Variants in PTPRD observed in about 807,000 individuals in gnomAD.
PTPRD encodes protein tyrosine phosphatase receptor type D, also known as receptor-type tyrosine-protein phosphatase delta.
In PTPRD, 34 loss-of-function variants were observed where a neutral mutation model predicts 214.5. The observed-to-expected ratio is 0.16, with a 90% CI of 0.12 to 0.21. The LOEUF (loss-of-function observed/expected upper bound fraction) is 0.21. Among genes scored for constraint, PTPRD ranks in the 10% least tolerant of loss-of-function variants. PTPRD has a pLI of 1.00. For missense variants in PTPRD, 2,545 were observed against 2,398.7 expected (o/e 1.06, Z -1.27); for synonymous variants, 1,128 against 845.7 (o/e 1.33, Z -5.79).
intron 3 of PTPRD, among the ~76,000 whole-genome samples, chr9:10,228,711 ATAT>A (rs1453876389): frequency 6.7e-6 from 1 of 150,078 alleles, no homozygotes; most frequent in Non-Finnish European, 1.5e-5. Flanking sequence ...TTGATAGAAT[ATAT>A]TATATGTATA....
chr9:9,795,321 G>C (rs1349227916), intron 5 of PTPRD, among the ~76,000 whole-genome samples: 1 of 152,118 alleles, frequency 6.6e-6, no homozygotes, highest in African/African-American at 2.4e-5. Flanking sequence ...TGTAGGGAAA[G>C]TTTTTAGGAA....
intron 5 of PTPRD, among the ~76,000 whole-genome samples, chr9:9,857,222 C>T (rs1390278333): frequency 9.2e-5 from 14 of 152,140 alleles, no homozygotes; most frequent in Admixed American, 9.2e-4. Context: ...GGAATGAAGG[C>T]CATTTTCATG....
Position 8,496,966 on chromosome 9 carries a change from G to A in PTPRD, c.2349+276C>T, listed in dbSNP as rs576199851. Reference sequence around the variant, plus strand: ...ACAACACCCCTGTGTTTTAAAGCATGCCTCCTCTGACTGTCACAAGGCAGA... The same window carrying A: ...ACAACACCCCTGTGTTTTAAAGCATACCTCCTCTGACTGTCACAAGGCAGA... On this transcript the variant is annotated intron_variant, in intron 26 of 45. Transcript: ENST00000381196. Among the ~76,000 whole-genome samples the A allele has an allele frequency of 1.4e-4, 21 of 152,256 alleles. No individual in the cohort carries two copies. In the South Asian group the frequency reaches 4.3e-3, roughly 32 times the overall value.
chr9:9,771,603 A>G (rs145379261), intron 5 of PTPRD, among the ~76,000 whole-genome samples: 10 of 152,320 alleles, frequency 6.6e-5, no homozygotes, highest in African/African-American at 2.4e-4. Flanking sequence ...AGCCTTTAAA[A>G]TAACTTACTT....
chr9:8,824,015 C>T, intron 11 of PTPRD, among the ~76,000 whole-genome samples: 1 of 152,146 alleles, frequency 6.6e-6, no homozygotes, highest in Non-Finnish European at 1.5e-5. Context: ...CATTTGTAAA[C>T]TGTCATGGTG....
chr9:10,291,058 A>G (rs1293377177), intron 3 of PTPRD, among the ~76,000 whole-genome samples: 2 of 148,684 alleles, frequency 1.3e-5, no homozygotes, highest in Non-Finnish European at 3.0e-5. Context: ...CCTTACTGGT[A>G]ATTTCTTTAA....
intron 5 of PTPRD, among the ~76,000 whole-genome samples, chr9:9,783,461 C>T (rs754165043): frequency 6.6e-6 from 1 of 152,088 alleles, no homozygotes; most frequent in African/African-American, 2.4e-5. Context: ...ACTGTTCTTC[C>T]TGATGAACTT....
intron 9 of PTPRD, among the ~76,000 whole-genome samples, chr9:9,294,727 C>T (rs1952417742): frequency 1.3e-5 from 2 of 151,646 alleles, no homozygotes; most frequent in African/African-American, 2.4e-5. Flanking sequence ...GACTTCTCAG[C>T]CTTCAGAAAT....
intron 7 of PTPRD, among the ~76,000 whole-genome samples, chr9:9,654,483 T>C (rs566860369): frequency 3.6e-4 from 55 of 152,242 alleles, no homozygotes; most frequent in African/African-American, 1.3e-3. Flanking sequence ...CAACCATTCA[T>C]AATAATGCCA....
At chr9:8,863,361 C>T (rs1284155747) in intron 11 of PTPRD, among the ~76,000 whole-genome samples, 1 of 152,176 alleles carries the variant, frequency 6.6e-6, no homozygotes, top group Non-Finnish European at 1.5e-5. Context: ...CTATCCCAAC[C>T]CAAGTGAAAC....
chr9:8,691,182 G>A (rs1471104397), intron 12 of PTPRD, among the ~76,000 whole-genome samples: 1 of 152,026 alleles, frequency 6.6e-6, no homozygotes, highest in African/African-American at 2.4e-5. Flanking sequence ...TCTAAAATAT[G>A]TACTAACTCA....
rs190929566 is a variant in PTPRD, at chr9:9,192,578, C to G, written c.-202-9215G>C. On this transcript the variant is annotated intron_variant, in intron 9 of 45. Transcript: ENST00000381196. Reference sequence around the variant, plus strand: ...TTCTTGTTTGTTACTACAAAAGACTCTGTCTCAGAGGGCTTTGATTAAGAT... The same window carrying G: ...TTCTTGTTTGTTACTACAAAAGACTGTGTCTCAGAGGGCTTTGATTAAGAT... Among the ~76,000 whole-genome samples, 943 of 152,222 alleles carry G rather than the reference C, an allele frequency of 6.2e-3. 8 individuals are homozygous for G. The highest frequency in any genetic ancestry group is 0.01 in the Non-Finnish European group (690 of 67,998).
chr9:8,910,854 C>T (rs1023541798), intron 11 of PTPRD, among the ~76,000 whole-genome samples: 42 of 152,248 alleles, frequency 2.8e-4, no homozygotes, highest in African/African-American at 9.1e-4. Context: ...AAATTATGTT[C>T]ATAATAGGAT....
chr9:9,489,616 T>C (rs761920651), intron 8 of PTPRD, among the ~76,000 whole-genome samples: 4 of 151,990 alleles, frequency 2.6e-5, no homozygotes, highest in Middle Eastern at 3.4e-3. Flanking sequence ...ACTATAATAA[T>C]GAAAATTTTA....
chr9:8,335,297 A>G (rs1325685313), intron 43 of PTPRD, among the ~76,000 whole-genome samples: 3 of 151,802 alleles, frequency 2.0e-5, no homozygotes, highest in African/African-American at 7.3e-5. Context: ...ATCCACCACG[A>G]TCAAGTCGGC....
At chr9:10,213,696 G>T (rs928712718) in intron 3 of PTPRD, among the ~76,000 whole-genome samples, 1 of 151,966 alleles carries the variant, frequency 6.6e-6, no homozygotes, top group Non-Finnish European at 1.5e-5. Flanking sequence ...TATTTTAGAT[G>T]TTACATTATT....
intron 5 of PTPRD, among the ~76,000 whole-genome samples, chr9:9,897,129 C>T (rs942972907): frequency 2.3e-5 from 1 of 44,360 alleles, no homozygotes; most frequent in Non-Finnish European, 4.4e-5. Flanking sequence ...ATCTCTTACA[C>T]TTACACACAC....
chr9:10,373,612 T>C (rs568900385), intron 2 of PTPRD, among the ~76,000 whole-genome samples: 3 of 152,238 alleles, frequency 2.0e-5, no homozygotes, highest in South Asian at 4.1e-4. Context: ...GTGTCTCTTA[T>C]TGCAGGAACC....
chr9:8,706,147 G>A (rs895018706), intron 12 of PTPRD, among the ~76,000 whole-genome samples: 8 of 152,014 alleles, frequency 5.3e-5, no homozygotes, highest in Non-Finnish European at 1.0e-4. Flanking sequence ...TTCTCCTCAA[G>A]AGAAACATTA....
Sources: allele counts gnomAD v4.1 joint callset (sites outside exome capture counted in the v4.1 genomes callset), GRCh38; gene constraint gnomAD v4.1.1; transcripts MANE v1.5; gene names NCBI Gene and HGNC (gene_info 2026-07-23, HGNC 2026-07-21).